Variants in ARHGEF17 observed in about 807,000 individuals in gnomAD.
The protein encoded by ARHGEF17 is 164 kDa Rho-specific guanine-nucleotide exchange factor.
Under a neutral mutation model 174.0 loss-of-function variants are expected in ARHGEF17, and 80 were observed. The observed-to-expected ratio is 0.46, with a 90% CI of 0.38 to 0.55. ARHGEF17 has a LOEUF of 0.55. Among genes scored for constraint, ARHGEF17 ranks in the 20% least tolerant of loss-of-function variants. The pLI is 0.00. For synonymous variants in ARHGEF17, 1,311 were observed against 1,189.1 expected (o/e 1.10, Z -2.11); for missense variants, 2,886 against 2,839.7 (o/e 1.02, Z -0.37).
chr11:73,331,545 A>G (rs1024851874), intron 1 of ARHGEF17, among the ~76,000 whole-genome samples: 1 of 150,326 alleles, frequency 6.7e-6, no homozygotes, highest in Non-Finnish European at 1.5e-5. Context: ...GGGGTTCTCC[A>G]CCAGTCCTGT....
intron 13 of ARHGEF17, 74 bp from the exon 14 acceptor site, chr11:73,362,359 G>T: frequency 1.4e-6 from 2 of 1,453,786 alleles, no homozygotes; most frequent in Non-Finnish European, 1.8e-6. Context: ...TGTGGGCGGG[G>T]TCGGTGGGCG....
At chr11:73,367,125 G>T (rs1865852769) in intron 20 of ARHGEF17, among the ~76,000 whole-genome samples, 1 of 152,288 alleles carries the variant, frequency 6.6e-6, no homozygotes, top group African/African-American at 2.4e-5. Context: ...GACAAGAAAT[G>T]ATATTCCCAA....
chr11:73,359,613 A>G (rs1313473722), intron 9 of ARHGEF17, among the ~76,000 whole-genome samples: 1 of 152,226 alleles, frequency 6.6e-6, no homozygotes, highest in Non-Finnish European at 1.5e-5. Flanking sequence ...ATCCTGCGCC[A>G]CATGGCTCTG....
intron 1 of ARHGEF17, among the ~76,000 whole-genome samples, chr11:73,329,172 G>A (rs1865150624): frequency 6.6e-6 from 1 of 150,768 alleles, no homozygotes; most frequent in South Asian, 2.1e-4. Context: ...CCAGCTAGTA[G>A]TGTCTTTGTG....
At chr11:73,347,034 C>A in intron 2 of ARHGEF17, 74 bp downstream of exon 2, 1 of 1,405,326 alleles carries the variant, frequency 7.1e-7, no homozygotes, top group Non-Finnish European at 9.9e-7. Flanking sequence ...TGTGAGCAAA[C>A]CCCTTTCATG....
At position 73,352,970 on chromosome 11, in the gene ARHGEF17, C is replaced by G; in HGVS notation, c.3411C>G (p.Thr1137=). The G allele has an allele frequency of 6.2e-7, 1 of 1,614,108 alleles. No homozygotes were observed. The highest frequency in any genetic ancestry group is 8.5e-7 in the Non-Finnish European group (1 of 1,180,050). ...AGCAGGTTCGGCACTGCATGCAGAC[C>G]TGGCATGCCCAGCAGAAGGTGGGAG... ...FLEQVRHCMQ[T]WHAQQKVGAL... is the part of the protein sequence containing the mutation. Residue 1137 remains threonine, a synonymous_variant, in exon 3 of 21, where the codon ACC becomes ACG. Transcript: ENST00000263674.
At chr11:73,343,342 G>T in intron 1 of ARHGEF17, 1 of 393,728 alleles carries the variant, frequency 2.5e-6, no homozygotes, top group Non-Finnish European at 4.5e-6. Context: ...CGACCCAGGA[G>T]CCAACCCAGG....
At chr11:73,339,472 A>C (rs1258105793) in intron 1 of ARHGEF17, among the ~76,000 whole-genome samples, 1 of 151,694 alleles carries the variant, frequency 6.6e-6, no homozygotes, top group South Asian at 2.1e-4. Context: ...TTATCTGTCC[A>C]TTTGTTTGTT....
Position 73,363,847 on chromosome 11 carries a change from G to A in ARHGEF17, c.5333+14G>A. The A allele has an allele frequency of 6.2e-7, 1 of 1,613,414 alleles. No individual in the cohort carries two copies. The highest frequency in any genetic ancestry group is 8.5e-7 in the Non-Finnish European group (1 of 1,179,838). On this transcript the variant is annotated intron_variant, in intron 16 of 20. Transcript: ENST00000263674. ...GACCTGCATCTTGTAAGGCCCCAGG[G>A]TGGCCCTTCCTATCTAGACTCTTCT...
chr11:73,365,474 G>A lies in ARHGEF17; in HGVS notation c.5635G>A (p.Gly1879Ser), dbSNP rs115798173. The A allele has an allele frequency of 2.8e-4, 453 of 1,614,076 alleles. No individual in the cohort carries two copies. The African/African-American group carries it at 5.4e-3, about 19-fold the overall frequency. ...SSLGVWVTLK[G>S]SAHVCLYHPD... ...CCTGGGTGTGTGGGTGACATTGAAA[G>A]GTAGTGCCCACGTGTGTCTCTACCA... is the stretch of plus-strand genomic sequence containing the variant. Residue 1879 changes from glycine to serine, a missense_variant, in exon 19 of 21, where the codon GGT (glycine) becomes AGT (serine). Gly to Ser is a moderately conservative substitution (Grantham distance 56). Around this residue, in one of 4 missense-constraint regions of ARHGEF17, gnomAD observed 329 missense variants for 435.2 expected, o/e 0.76. Coordinates refer to ENST00000263674, the MANE Select transcript of ARHGEF17 (RefSeq NM_014786.4). This position sits in a 1 kb window ranked among gnomAD's most constrained non-coding sequence, Gnocchi z 4.9.
At position 73,364,221 on chromosome 11, in the gene ARHGEF17, G is replaced by A; in HGVS notation, c.5383G>A (p.Val1795Ile). 1 of 1,614,148 alleles carries A rather than the reference G, an allele frequency of 6.2e-7. No individual in the cohort carries two copies. The highest frequency in any genetic ancestry group is 2.2e-5 in the East Asian group (1 of 44,890). The change falls in exon 17 of 21, where the codon GTC becomes ATC. Residue 1795 changes from valine (V) to isoleucine (I), a missense_variant. Coordinates refer to ENST00000263674, the MANE Select transcript of ARHGEF17 (RefSeq NM_014786.4). ...GTCTCTGGCCAATGGAGAGCTTGTG[G>A]TCTACCAAAGGGAAGCAGGTGAGTA... is the stretch of plus-strand genomic sequence containing the variant. ...FVSLANGELVVYQREAGHFWD... is the reference protein window; with the variant it reads ...FVSLANGELVIYQREAGHFWD...
intron 1 of ARHGEF17, among the ~76,000 whole-genome samples, chr11:73,327,210 A>T (rs1865116535): frequency 6.6e-6 from 1 of 152,150 alleles, no homozygotes; most frequent in African/African-American, 2.4e-5. Flanking sequence ...CCCTGCTGAC[A>T]CCTGGAAGGA....
At chr11:73,359,521 G>A (rs1377249768) in intron 9 of ARHGEF17, among the ~76,000 whole-genome samples, 4 of 152,210 alleles carry the variant, frequency 2.6e-5, no homozygotes, top group Admixed American at 6.5e-5. Context: ...CAGCAGTTCC[G>A]TGTCAGCCAG....
intron 1 of ARHGEF17, among the ~76,000 whole-genome samples, chr11:73,325,069 C>T (rs978694998): frequency 2.0e-5 from 3 of 152,098 alleles, no homozygotes; most frequent in African/African-American, 7.2e-5. Flanking sequence ...GGGAGACAGG[C>T]AGGCCAGGCA....
chr11:73,326,169 G>A (rs1262590782), intron 1 of ARHGEF17, among the ~76,000 whole-genome samples: 2 of 152,268 alleles, frequency 1.3e-5, no homozygotes, highest in East Asian at 1.9e-4. Context: ...ACTGGGGGTC[G>A]AAGGAGGCCA....
chr11:73,317,806 A>G (rs1338753787), intron 1 of ARHGEF17, among the ~76,000 whole-genome samples: 1 of 152,114 alleles, frequency 6.6e-6, no homozygotes, highest in Non-Finnish European at 1.5e-5. Flanking sequence ...GGCTCTGTGC[A>G]GTGAGTGAAC....
chr11:73,347,743 G>A (rs1865488417), intron 2 of ARHGEF17, among the ~76,000 whole-genome samples: 1 of 152,360 alleles, frequency 6.6e-6, no homozygotes, highest in African/African-American at 2.4e-5. Context: ...GGGGAGGTGT[G>A]TGGCCTGATT....
chr11:73,358,339 G>C (rs958788284), intron 9 of ARHGEF17, among the ~76,000 whole-genome samples: 6 of 152,088 alleles, frequency 3.9e-5, no homozygotes, highest in African/African-American at 1.4e-4. Context: ...CACAGAGGGT[G>C]CCTTCTATGT....
intron 1 of ARHGEF17, among the ~76,000 whole-genome samples, chr11:73,319,026 C>T (rs1266661996): frequency 1.3e-5 from 2 of 151,822 alleles, no homozygotes; most frequent in Non-Finnish European, 2.9e-5. Flanking sequence ...TCCCCAGCAT[C>T]TTCAAATCTC....
Sources: allele counts gnomAD v4.1 joint callset (sites outside exome capture counted in the v4.1 genomes callset), GRCh38; gene constraint gnomAD v4.1.1; regional missense constraint gnomAD v4.1.1; non-coding constraint Gnocchi (gnomAD v3.1); transcripts MANE v1.5; gene names NCBI Gene and HGNC (gene_info 2026-07-23, HGNC 2026-07-21).